PGM1: variants seen among roughly 807,000 people sequenced by gnomAD.
The protein encoded by PGM1 is phosphoglucomutase-1.
PGM1 carries 52 observed loss-of-function variants against 55.6 expected under a neutral mutation model. The observed-to-expected ratio is 0.94, with a 90% CI of 0.75 to 1.18. The LOEUF (loss-of-function observed/expected upper bound fraction) is 1.18. Ranked by LOEUF, PGM1 falls within the 50% of genes most tolerant of loss-of-function variation. The probability of loss-of-function intolerance (pLI) is 0.00; values close to 1 mark genes in which losing one functional copy is unlikely to be tolerated. For synonymous variants in PGM1, 287 were observed against 271.7 expected (o/e 1.06, Z -0.55); for missense variants, 724 against 729.3 (o/e 0.99, Z 0.08).
At chr1:63,647,364 T>A (rs1204379170) in intron 7 of PGM1, among the ~76,000 whole-genome samples, 1 of 143,890 alleles carries the variant, frequency 6.9e-6, no homozygotes, top group African/African-American at 2.5e-5. Flanking sequence ...ATCTCTTTAA[T>A]TTTTTAAAGT....
At chr1:63,635,109 A>G (rs1304533160) in intron 5 of PGM1, 90 bp downstream of exon 5, 2 of 1,055,628 alleles carry the variant, frequency 1.9e-6, no homozygotes, top group Non-Finnish European at 1.5e-6. Flanking sequence ...TGCCAGACCC[A>G]GGGAATAACT....
In PGM1 at chr1:63,654,338, C is replaced by A. The variant is rs758642092; in HGVS notation, c.1471C>A (p.Arg491Ser). 1 of 1,613,686 alleles carries A rather than the reference C, an allele frequency of 6.2e-7. No individual in the cohort carries two copies. Among genetic ancestry groups the A allele is most frequent in the Admixed American group, 1.7e-5 (1 of 59,994 alleles). ...CTCTGCTTATCTTTTCCAGGGCTTG[C>A]GCCTCATTTTCACAGATGGTTCTCG... ...DGSISRNQGL[R>S]LIFTDGSRIV... Residue 491 changes from arginine to serine, a missense_variant, in exon 10 of 11, where the codon CGC (arginine) becomes AGC (serine). Physicochemically the swap from Arg to Ser is moderately radical, Grantham distance 110. Transcript: ENST00000371084.
At chr1:63,643,119 C>T (rs1312925465) in intron 7 of PGM1, among the ~76,000 whole-genome samples, 1 of 152,188 alleles carries the variant, frequency 6.6e-6, no homozygotes, top group Non-Finnish European at 1.5e-5. Context: ...CTACTGAGTA[C>T]ATTTCCCTGT....
At chr1:63,641,176 A>G (rs1649505642) in intron 7 of PGM1, among the ~76,000 whole-genome samples, 1 of 152,220 alleles carries the variant, frequency 6.6e-6, no homozygotes, top group Non-Finnish European at 1.5e-5. Flanking sequence ...TTATTAACAC[A>G]TTCAACAAAT....
chr1:63,612,054 C>G (rs747228565), intron 1 of PGM1, among the ~76,000 whole-genome samples: 1 of 151,934 alleles, frequency 6.6e-6, no homozygotes, highest in African/African-American at 2.4e-5. Context: ...GTCAGAAGTT[C>G]GAGACCAGCC....
In PGM1 at chr1:63,659,693, G is replaced by C. The variant is rs371814836; in HGVS notation, c.*18G>C. 7 of 1,586,844 alleles carry C rather than the reference G, an allele frequency of 4.4e-6. No individual in the cohort carries two copies. The African/African-American group carries it at 6.7e-5, about 15-fold the overall frequency. Reference sequence around the variant, plus strand: ...TCACCTAAGAAGACAGGCCTGATGTGGTACGTCCCTCCACCCCCGGACCCA... The same window carrying C: ...TCACCTAAGAAGACAGGCCTGATGTCGTACGTCCCTCCACCCCCGGACCCA... On this transcript the variant is annotated 3_prime_UTR_variant, in exon 11 of 11. Coordinates refer to ENST00000371084, the MANE Select transcript of PGM1 (RefSeq NM_002633.3).
At chr1:63,603,370 G>A (rs1185141203) in intron 1 of PGM1, among the ~76,000 whole-genome samples, 1 of 152,228 alleles carries the variant, frequency 6.6e-6, no homozygotes, top group Non-Finnish European at 1.5e-5. Flanking sequence ...CAGGAAATGA[G>A]TATGTGGAGT....
At chr1:63,624,706 G>C (rs1567051) in intron 1 of PGM1, among the ~76,000 whole-genome samples, 44,786 of 152,080 alleles carry the variant, frequency 0.29, 8,086 homozygotes, top group East Asian at 0.5. Flanking sequence ...CTGATTCTTG[G>C]TAGATAAAAT....
chr1:63,656,154 A>C (rs1356489804), intron 10 of PGM1: 1 of 152,236 alleles, frequency 6.6e-6, no homozygotes, highest in Non-Finnish European at 1.5e-5. Context: ...AAAACATACA[A>C]ATGGCCAACA....
chr1:63,602,335 A>G (rs1025114534), intron 1 of PGM1, among the ~76,000 whole-genome samples: 6 of 152,246 alleles, frequency 3.9e-5, no homozygotes, highest in Non-Finnish European at 8.8e-5. Context: ...CATCTATATT[A>G]TACAAGAATC....
intron 1 of PGM1, among the ~76,000 whole-genome samples, chr1:63,600,376 T>G (rs912721255): frequency 7.9e-5 from 12 of 152,218 alleles, no homozygotes; most frequent in Non-Finnish European, 1.6e-4. Context: ...TTGTTTTGTT[T>G]TTGTAAACAA....
intron 9 of PGM1, among the ~76,000 whole-genome samples, chr1:63,652,129 T>C (rs1649826492): frequency 2.0e-5 from 3 of 152,202 alleles, no homozygotes; most frequent in African/African-American, 7.2e-5. Context: ...TCTGGAATGA[T>C]ATGCAAGATG....
At chr1:63,657,364 C>A (rs1366810805) in intron 10 of PGM1, among the ~76,000 whole-genome samples, 1 of 151,298 alleles carries the variant, frequency 6.6e-6, no homozygotes, top group Non-Finnish European at 1.5e-5. Context: ...CAGAGTAATA[C>A]CTACTTCATC....
intron 1 of PGM1, among the ~76,000 whole-genome samples, chr1:63,627,067 ACAC>A (rs993482936): frequency 2.3e-4 from 11 of 47,874 alleles, no homozygotes; most frequent in Admixed American, 2.2e-3. Flanking sequence ...CCCCCCCCCC[ACAC>A]ACACACACAC....
intron 1 of PGM1, among the ~76,000 whole-genome samples, chr1:63,597,681 G>A (rs1028314592): frequency 9.9e-5 from 15 of 152,196 alleles, no homozygotes; most frequent in East Asian, 1.9e-4. Flanking sequence ...GAATCCCAAC[G>A]AATTCTTTAG....
At chr1:63,644,942 A>G (rs1424821665) in intron 7 of PGM1, among the ~76,000 whole-genome samples, 1 of 152,232 alleles carries the variant, frequency 6.6e-6, no homozygotes, top group African/African-American at 2.4e-5. Context: ...ATCAAGCTTT[A>G]TCTACTGAGC....
At position 63,634,962 on chromosome 1, in the gene PGM1, G is replaced by C. The variant is rs372548917; in HGVS notation, c.816G>C (p.Leu272=). 2.5e-6 allele frequency: 4 copies of C among 1,614,076 alleles called. No homozygotes were observed. Among genetic ancestry groups the C allele is most frequent in the Non-Finnish European group, 3.4e-6 (4 of 1,180,006 alleles). ...CCAACCTCACCTATGCAGCTGACCT[G>C]GTGGAGACCATGAAGTCAGGAGAGC... is the stretch of plus-strand genomic sequence containing the variant. ...PDPNLTYAAD[L]VETMKSGEHD... Residue 272 remains leucine (L), a synonymous_variant, in exon 5 of 11, where the codon CTG becomes CTC. Transcript: ENST00000371084.
In PGM1 at chr1:63,623,223, C is replaced by A. The variant is rs141910723; in HGVS notation, c.247-6202C>A. Reference sequence around the variant, plus strand: ...GGCAGAAGTGTCCTCATCAAAACAACTTTGAAGACCTGCTTTGTGTGTGGG... The same window carrying A: ...GGCAGAAGTGTCCTCATCAAAACAAATTTGAAGACCTGCTTTGTGTGTGGG... On this transcript the variant is annotated intron_variant, in intron 1 of 10. Coordinates refer to ENST00000371084, the MANE Select transcript of PGM1 (RefSeq NM_002633.3). 15 of 1,364,240 alleles carry A rather than the reference C, an allele frequency of 1.1e-5. No individual in the cohort carries two copies. The African/African-American group carries it at 2.2e-4, about 20-fold the overall frequency. 84.5% of individuals were successfully genotyped at this position (1,364,240 alleles called of 1,614,324 possible).
chr1:63,641,013 C>T (rs1369550379), intron 7 of PGM1, among the ~76,000 whole-genome samples: 1 of 152,232 alleles, frequency 6.6e-6, no homozygotes, highest in Non-Finnish European at 1.5e-5. Flanking sequence ...TTGCATAATA[C>T]TGTTTAGCCC....
Sources: gnomAD v4.1 joint callset for allele counts (sites outside exome capture counted in the v4.1 genomes callset) on GRCh38, gnomAD v4.1.1 for gene constraint, MANE v1.5 for transcripts, NCBI Gene and HGNC (gene_info 2026-07-23, HGNC 2026-07-21) for gene names.